The following IKZF2 variants were observed in gnomAD, a reference collection of about 807,000 sequenced individuals.
IKZF2 encodes IKAROS family zinc finger 2.
A neutral mutation model predicts 49.2 loss-of-function variants in IKZF2; 15 were observed. That is an observed-to-expected ratio of 0.30 (90% CI 0.20 to 0.47). The LOEUF is 0.47. Ranked by LOEUF, IKZF2 falls within the 20% of genes least tolerant of loss-of-function variation. The pLI is 1.00. For synonymous variants in IKZF2, 227 were observed against 221.4 expected (o/e 1.03, Z -0.23); for missense variants, 567 against 664.6 (o/e 0.85, Z 1.61).
intron 6 of IKZF2, among the ~76,000 whole-genome samples, chr2:213,040,893 G>C (rs183356397): frequency 2.6e-5 from 4 of 152,140 alleles, no homozygotes; most frequent in African/African-American, 9.7e-5. Context: ...TGAGGCAGGC[G>C]AATCACCTGA....
intron 8 of IKZF2, among the ~76,000 whole-genome samples, chr2:213,013,359 T>A (rs1696187727): frequency 6.6e-6 from 1 of 151,730 alleles, no homozygotes; most frequent in African/African-American, 2.4e-5. Flanking sequence ...AACTCCCACA[T>A]GCTTAGCGTT....
At chr2:213,019,030 T>G (rs999709414) in intron 7 of IKZF2, among the ~76,000 whole-genome samples, 1 of 152,154 alleles carries the variant, frequency 6.6e-6, no homozygotes, top group Non-Finnish European at 1.5e-5. Context: ...AGTAAGTGTA[T>G]TAAAAGACTG....
At chr2:213,101,192 A>G (rs543621184) in intron 4 of IKZF2, among the ~76,000 whole-genome samples, 1 of 152,184 alleles carries the variant, frequency 6.6e-6, no homozygotes, top group East Asian at 1.9e-4. Flanking sequence ...TCAGTAAATT[A>G]CTTCATATCT....
chr2:213,070,963 C>G (rs1702637620), intron 4 of IKZF2, among the ~76,000 whole-genome samples: 1 of 152,136 alleles, frequency 6.6e-6, no homozygotes, highest in Non-Finnish European at 1.5e-5. Context: ...GTACTAACAT[C>G]TAGTGAAGGT....
At chr2:213,074,230 C>G (rs1703012424) in intron 4 of IKZF2, among the ~76,000 whole-genome samples, 1 of 152,168 alleles carries the variant, frequency 6.6e-6, no homozygotes, top group South Asian at 2.1e-4. Context: ...TATCACCTAA[C>G]TACAGGAATG....
intron 4 of IKZF2, among the ~76,000 whole-genome samples, chr2:213,082,012 G>C (rs1704008495): frequency 1.3e-5 from 2 of 152,124 alleles, no homozygotes; most frequent in South Asian, 2.1e-4. Context: ...GAACTTTATA[G>C]ACCTAAAGAA....
At chr2:213,057,224 A>G in intron 4 of IKZF2, 125 bp from the exon 5 acceptor site, 12 of 827,214 alleles carry the variant, frequency 1.5e-5, no homozygotes, top group Non-Finnish European at 2.2e-5. Flanking sequence ...AATAGAGTTC[A>G]TCATCGAATG....
intron 4 of IKZF2, among the ~76,000 whole-genome samples, chr2:213,093,611 T>C (rs57900444): frequency 0.013 from 1,920 of 152,326 alleles, 36 homozygotes; most frequent in African/African-American, 0.044. Flanking sequence ...TAATGTCTTC[T>C]TTCAACTGTA....
intron 4 of IKZF2, among the ~76,000 whole-genome samples, chr2:213,146,537 A>C (rs1201363740): frequency 6.6e-6 from 1 of 152,062 alleles, no homozygotes; most frequent in Non-Finnish European, 1.5e-5. Context: ...AAAATTACTT[A>C]AAGTTAATAA....
chr2:213,076,796 C>T (rs1275660633), intron 4 of IKZF2, among the ~76,000 whole-genome samples: 1 of 152,042 alleles, frequency 6.6e-6, no homozygotes, highest in South Asian at 2.1e-4. Flanking sequence ...CCAGCTACTC[C>T]GGAGGCTGAG....
chr2:213,142,387 G>C (rs1183432383), intron 4 of IKZF2, among the ~76,000 whole-genome samples: 1 of 151,870 alleles, frequency 6.6e-6, no homozygotes, highest in African/African-American at 2.4e-5. Context: ...ACAGAAAAGA[G>C]CAAAAGACCC....
At chr2:213,129,552 G>A (rs184947786) in intron 4 of IKZF2, among the ~76,000 whole-genome samples, 69 of 151,956 alleles carry the variant, frequency 4.5e-4, no homozygotes, top group Non-Finnish European at 7.4e-4. Context: ...AGTCAGAGAT[G>A]GAGGCAGGGC....
At chr2:213,094,640 G>T (rs535881602) in intron 4 of IKZF2, among the ~76,000 whole-genome samples, 3 of 152,098 alleles carry the variant, frequency 2.0e-5, no homozygotes, top group Non-Finnish European at 4.4e-5. Flanking sequence ...GGGATGAAGG[G>T]AGTACAGGTA....
chr2:213,151,377 T>G (rs2061276438), intron 1 of IKZF2, 36 bp downstream of exon 1: 1 of 152,408 alleles, frequency 6.6e-6, no homozygotes, highest in Non-Finnish European at 1.5e-5. Context: ...AAACAAGAGC[T>G]GTTCTTCACC....
At chr2:213,087,406 C>T (rs1341625171) in intron 4 of IKZF2, among the ~76,000 whole-genome samples, 1 of 152,082 alleles carries the variant, frequency 6.6e-6, no homozygotes, top group African/African-American at 2.4e-5. Context: ...GAAAAAAATG[C>T]AACTCATTTA....
intron 4 of IKZF2, among the ~76,000 whole-genome samples, chr2:213,064,084 T>C (rs1055580025): frequency 6.6e-6 from 1 of 152,026 alleles, no homozygotes; most frequent in African/African-American, 2.4e-5. Flanking sequence ...GTACACCTAG[T>C]TGCTGAAGAA....
chr2:213,134,669 G>A (rs760495287), intron 4 of IKZF2, among the ~76,000 whole-genome samples: 3 of 152,150 alleles, frequency 2.0e-5, no homozygotes, highest in Non-Finnish European at 4.4e-5. Context: ...AATATCTGAA[G>A]AAGTATGCTT....
At chr2:213,143,168 A>T (rs1247488354) in intron 4 of IKZF2, among the ~76,000 whole-genome samples, 1 of 151,992 alleles carries the variant, frequency 6.6e-6, no homozygotes, top group Non-Finnish European at 1.5e-5. Flanking sequence ...AGAGAAGAGC[A>T]CGGAACCCAG....
chr2:213,140,386 C>T (rs1559325922), intron 4 of IKZF2, among the ~76,000 whole-genome samples: 1 of 151,734 alleles, frequency 6.6e-6, no homozygotes, highest in Non-Finnish European at 1.5e-5. Flanking sequence ...TATATTGTAT[C>T]TGCATATTTA....
Sources: gnomAD v4.1 joint callset for allele counts (sites outside exome capture counted in the v4.1 genomes callset) on GRCh38, gnomAD v4.1.1 for gene constraint, MANE v1.5 for transcripts, NCBI Gene and HGNC (gene_info 2026-07-23, HGNC 2026-07-21) for gene names.